The following CCDC7 variants were observed in gnomAD, a reference collection of about 807,000 sequenced individuals.
CCDC7 encodes the protein coiled-coil domain containing 7, also known as coiled-coil domain-containing protein 7.
A neutral mutation model predicts 196.9 loss-of-function variants in CCDC7; 183 were observed. The ratio of observed to expected loss-of-function variants is 0.93; its 90% CI spans 0.82 to 1.05. The LOEUF (loss-of-function observed/expected upper bound fraction) is 1.05, where lower values mean the gene tolerates loss of function less well. Among genes scored for constraint, CCDC7 ranks in the 50% least tolerant of loss-of-function variants. CCDC7 has a pLI of 0.00. For synonymous variants in CCDC7, 525 were observed against 484.6 expected (o/e 1.08, Z -1.10); for missense variants, 1,540 against 1,482.2 (o/e 1.04, Z -0.64).
At chr10:32,490,349 C>A (rs1020388936) in intron 8 of CCDC7, among the ~76,000 whole-genome samples, 1 of 152,078 alleles carries the variant, frequency 6.6e-6, no homozygotes, top group East Asian at 1.9e-4. Flanking sequence ...TTTTTTCCCC[C>A]AGGAATGTTT....
At chr10:32,803,890 G>A (rs938867845) in intron 29 of CCDC7, among the ~76,000 whole-genome samples, 11 of 152,058 alleles carry the variant, frequency 7.2e-5, no homozygotes, top group African/African-American at 2.4e-4. Flanking sequence ...TTTTTGATAT[G>A]GTTTGGATGT....
chr10:32,530,942 ATTTTGATGAGGG>A (rs1404837101), intron 11 of CCDC7, among the ~76,000 whole-genome samples: 2 of 152,100 alleles, frequency 1.3e-5, no homozygotes, highest in Non-Finnish European at 1.5e-5. Flanking sequence ...ATCTATACCT[ATTTTGATGAGGG>A]TTTTTATCGT....
chr10:32,696,770 C>G (rs960678863), intron 24 of CCDC7, among the ~76,000 whole-genome samples: 2 of 152,002 alleles, frequency 1.3e-5, no homozygotes, highest in Non-Finnish European at 2.9e-5. Context: ...AAGTGTGTGC[C>G]CAATGACTAT....
At chr10:32,644,107 A>G (rs914226477) in intron 20 of CCDC7, among the ~76,000 whole-genome samples, 3 of 152,146 alleles carry the variant, frequency 2.0e-5, no homozygotes, top group Non-Finnish European at 4.4e-5. Flanking sequence ...ATGGGGTACA[A>G]TATGGTGTTT....
At chr10:32,681,738 TACACACACACACACACACACACAC>T (rs57829018) in intron 21 of CCDC7, among the ~76,000 whole-genome samples, 5 of 137,546 alleles carry the variant, frequency 3.6e-5, no homozygotes, top group Admixed American at 1.5e-4. Flanking sequence ...TTTATATGTA[TACACACACACACACACACACACAC>T]ACACACACAC....
intron 33 of CCDC7, among the ~76,000 whole-genome samples, chr10:32,841,652 CA>C (rs1436844629): frequency 1.3e-5 from 2 of 151,966 alleles, no homozygotes; most frequent in African/African-American, 4.8e-5. Context: ...CCCACATAGC[CA>C]AAGCAAGACT....
At chr10:32,642,805 C>T (rs1001669972) in intron 20 of CCDC7, among the ~76,000 whole-genome samples, 5 of 152,122 alleles carry the variant, frequency 3.3e-5, no homozygotes, top group African/African-American at 1.2e-4. Context: ...GCTCCAGCAC[C>T]TCATTTAGTT....
intron 32 of CCDC7, among the ~76,000 whole-genome samples, chr10:32,828,564 A>AAGAG: frequency 6.6e-6 from 1 of 150,692 alleles, no homozygotes; most frequent in African/African-American, 2.4e-5. Flanking sequence ...AGAAGAAAGA[A>AAGAG]GAAGAAGAAG....
intron 18 of CCDC7, among the ~76,000 whole-genome samples, chr10:32,605,281 A>G (rs1281603956): frequency 6.6e-6 from 1 of 152,196 alleles, no homozygotes; most frequent in Admixed American, 6.5e-5. Context: ...TCTTTTATTT[A>G]TAAATTACCC....
At chr10:32,797,193 G>GTT (rs1233343892) in intron 29 of CCDC7, among the ~76,000 whole-genome samples, 1 of 137,892 alleles carries the variant, frequency 7.3e-6, no homozygotes, top group Non-Finnish European at 1.6e-5. Context: ...ATATATATAC[G>GTT]TATATATATA....
exon 37 of CCDC7, chr10:32,846,388 A>G (rs765393469): frequency 6.4e-7 from 1 of 1,574,432 alleles, no homozygotes. Context: ...ACTGATAAAG[A>G]ACTCTTAAAA....
intron 9 of CCDC7, among the ~76,000 whole-genome samples, chr10:32,500,408 G>A (rs368944954): frequency 4.1e-4 from 62 of 151,420 alleles, no homozygotes; most frequent in African/African-American, 1.4e-3. Flanking sequence ...GATCCCAGAC[G>A]GGGTCACGGC....
At chr10:32,715,289 A>C (rs1203043219) in intron 25 of CCDC7, among the ~76,000 whole-genome samples, 1 of 152,252 alleles carries the variant, frequency 6.6e-6, no homozygotes, top group East Asian at 1.9e-4. Flanking sequence ...AAATTCCAGC[A>C]GACCTGCAGA....
chr10:32,641,395 A>G (rs1004678488), intron 20 of CCDC7, among the ~76,000 whole-genome samples: 3 of 151,994 alleles, frequency 2.0e-5, no homozygotes, highest in African/African-American at 7.3e-5. Flanking sequence ...ACTTCATTTC[A>G]TTCATTTGAT....
chr10:32,539,448 CTTA>C (rs1200714438), intron 11 of CCDC7, among the ~76,000 whole-genome samples: 3 of 151,876 alleles, frequency 2.0e-5, no homozygotes, highest in Non-Finnish European at 2.9e-5. Context: ...AGTGGTCTAT[CTTA>C]TTATTTTTTT....
intron 16 of CCDC7, among the ~76,000 whole-genome samples, chr10:32,580,874 G>A (rs1026388956): frequency 6.6e-6 from 1 of 151,658 alleles, no homozygotes; most frequent in Admixed American, 6.6e-5. Flanking sequence ...AATAAAGAGG[G>A]CAGTTTGAAA....
intron 21 of CCDC7, among the ~76,000 whole-genome samples, chr10:32,673,470 C>G (rs1370414777): frequency 6.6e-6 from 1 of 151,884 alleles, no homozygotes; most frequent in Non-Finnish European, 1.5e-5. Context: ...AGTGTACAAG[C>G]CTTTTGCCTT....
intron 18 of CCDC7, among the ~76,000 whole-genome samples, chr10:32,612,055 G>C (rs1235463414): frequency 6.6e-6 from 1 of 152,084 alleles, no homozygotes; most frequent in African/African-American, 2.4e-5. Context: ...CCATGAGCAT[G>C]GAATGTTTTT....
At chr10:32,543,346 T>C (rs1362466204) in exon 12 of CCDC7, 1 of 1,459,346 alleles carries the variant, frequency 6.9e-7, no homozygotes, top group East Asian at 2.4e-5. Flanking sequence ...GTGAAAACAG[T>C]GAAGAAAAAA....
Sources: allele counts gnomAD v4.1 joint callset (sites outside exome capture counted in the v4.1 genomes callset), GRCh38; gene constraint gnomAD v4.1.1; transcripts MANE v1.5; gene names NCBI Gene and HGNC (gene_info 2026-07-23, HGNC 2026-07-21).